Variants in SAMD5 observed in about 807,000 individuals in gnomAD.
SAMD5 encodes sterile alpha motif domain-containing protein 5.
SAMD5 carries 13 observed loss-of-function variants against 11.3 expected under a neutral mutation model. The ratio of observed to expected loss-of-function variants is 1.15; its 90% CI spans 0.75 to 1.83. The LOEUF (loss-of-function observed/expected upper bound fraction) is 1.83. Among genes scored for constraint, SAMD5 ranks in the 40% most tolerant of loss-of-function variants. The pLI, the probability that SAMD5 is intolerant of heterozygous loss-of-function variation, is 0.00. For missense variants in SAMD5, 255 were observed against 239.1 expected, an observed-to-expected ratio of 1.07 and a Z score of -0.44; for synonymous variants, 129 against 111.3, an observed-to-expected ratio of 1.16 and a Z score of -1.00.
the SAMD5 span, among the ~76,000 whole-genome samples, chr6:147,897,082 A>C: frequency 0.062 from 9,486 of 152,292 alleles, 369 homozygotes; most frequent in African/African-American, 0.098. Flanking sequence ...TTCTAAAATG[A>C]AAGTATGATG....
chr6:147,624,476 C>G lies in SAMD5; in HGVS notation c.163-112841C>G, dbSNP rs528198689. ...TTTAGCTTCCACTTATGAGTGAGAA[C>G]ATGTGATGTTTGGTTTTCCATTCCT... On this transcript the variant is annotated intron_variant, in intron 1 of 1. Transcript: ENST00000566741. Among the ~76,000 whole-genome samples the G allele has an allele frequency of 6.0e-4, 91 of 152,330 alleles. 1 individual carries two copies. Among genetic ancestry groups the G allele is most frequent in the Non-Finnish European group, 1.3e-4 (9 of 68,026 alleles).
chr6:147,743,843 C>T, the SAMD5 span, among the ~76,000 whole-genome samples: 1 of 152,188 alleles, frequency 6.6e-6, no homozygotes, highest in Non-Finnish European at 1.5e-5. Context: ...TGGAGAAAAA[C>T]TGCCCAAAGA....
chr6:147,785,534 C>T, the SAMD5 span, among the ~76,000 whole-genome samples: 2 of 152,198 alleles, frequency 1.3e-5, no homozygotes, highest in East Asian at 1.9e-4. Context: ...CTGACATTCT[C>T]CAGGCATGAA....
intron 1 of SAMD5, among the ~76,000 whole-genome samples, chr6:147,727,971 C>T (rs908872469): frequency 3.3e-5 from 5 of 152,162 alleles, no homozygotes; most frequent in African/African-American, 4.8e-5. Context: ...ACAGACTGCA[C>T]CAGGGGTAAT....
chr6:147,509,305 C>T lies in SAMD5; in HGVS notation c.377C>T (p.Pro126Leu), dbSNP rs754498196. ...CGCAGCAGGGAGCTGGTGAGCTACC[C>T]CAAACTGAAGCTGAAGATCATGATC... ...APRSRELVSY[P>L]KLKLKIMIRD... is the part of the protein sequence containing the mutation. Residue 126 changes from proline (P) to leucine (L), a missense_variant, in exon 1 of 2, where the codon CCC (proline) becomes CTC (leucine). Physicochemically the swap from Pro to Leu is moderately conservative, Grantham distance 98 (BLOSUM62 -3). Coordinates refer to ENST00000367474, the MANE Select transcript of SAMD5 (RefSeq NM_001030060.3). 1.3e-6 allele frequency: 2 copies of T among 1,579,188 alleles called. No homozygotes were observed. Among genetic ancestry groups the T allele is most frequent in the African/African-American group, 1.4e-5 (1 of 72,356 alleles).
the SAMD5 span, among the ~76,000 whole-genome samples, chr6:147,818,192 C>G: frequency 1.3e-5 from 2 of 152,134 alleles, no homozygotes; most frequent in African/African-American, 4.8e-5. Context: ...AACTTGAGTT[C>G]TAGGGACTTC....
At chr6:147,737,100 AT>A (rs1791813705) in intron 1 of SAMD5, among the ~76,000 whole-genome samples, 1 of 152,132 alleles carries the variant, frequency 6.6e-6, no homozygotes, top group African/African-American at 2.4e-5. Context: ...TATTATGTAT[AT>A]TATATACATT....
At chr6:147,668,054 A>C (rs975309846) in intron 1 of SAMD5, among the ~76,000 whole-genome samples, 1 of 152,202 alleles carries the variant, frequency 6.6e-6, no homozygotes, top group Non-Finnish European at 1.5e-5. Context: ...ATGCGATACA[A>C]GAATTTCTGC....
intron 1 of SAMD5, among the ~76,000 whole-genome samples, chr6:147,651,277 G>A (rs1317033902): frequency 6.6e-6 from 1 of 152,204 alleles, no homozygotes; most frequent in Non-Finnish European, 1.5e-5. Flanking sequence ...GGAACAGGAA[G>A]CCTTTGGTTC....
chr6:147,555,151 G>A (rs138539519), intron 1 of SAMD5, among the ~76,000 whole-genome samples: 90 of 152,284 alleles, frequency 5.9e-4, no homozygotes, highest in Middle Eastern at 3.4e-3. Context: ...CCACCTTTGT[G>A]TACATGATTT....
At chr6:147,850,798 G>A in the SAMD5 span, among the ~76,000 whole-genome samples, 1 of 151,892 alleles carries the variant, frequency 6.6e-6, no homozygotes, top group Non-Finnish European at 1.5e-5. Context: ...TCCTGTTTGT[G>A]CTATGCCCAT....
chr6:147,568,074 G>A lies in SAMD5; in HGVS notation c.*3618G>A. 1.0e-6 allele frequency: 1 copy of A among 985,286 alleles called. No homozygotes were observed. The highest frequency in any genetic ancestry group is 1.2e-6 in the Non-Finnish European group (1 of 829,832). 61.0% of individuals were successfully genotyped at this position (985,286 alleles called of 1,614,324 possible). On this transcript the variant is annotated 3_prime_UTR_variant, in exon 2 of 2. Coordinates refer to ENST00000367474, the MANE Select transcript of SAMD5 (RefSeq NM_001030060.3). ...AGATTGATGAATTTGAGGTACAAAT[G>A]AGTGAGTGACATATGTATATTTTCC...
chr6:147,939,401 C>G, the SAMD5 span, among the ~76,000 whole-genome samples: 2 of 152,092 alleles, frequency 1.3e-5, no homozygotes, highest in African/African-American at 4.8e-5. Flanking sequence ...AAACTTCCAA[C>G]CCTTTAATCA....
intron 1 of SAMD5, among the ~76,000 whole-genome samples, chr6:147,701,707 T>C (rs1282968792): frequency 6.6e-6 from 1 of 151,964 alleles, no homozygotes; most frequent in African/African-American, 2.4e-5. Flanking sequence ...AGAGGGTTCA[T>C]TTTATTTTGA....
chr6:147,629,332 T>C (rs1437488451), intron 1 of SAMD5, among the ~76,000 whole-genome samples: 1 of 151,530 alleles, frequency 6.6e-6, no homozygotes, highest in Non-Finnish European at 1.5e-5. Flanking sequence ...ATAAAAAAAA[T>C]CTGAATATGA....
chr6:147,932,273 G>C, the SAMD5 span, among the ~76,000 whole-genome samples: 1 of 152,058 alleles, frequency 6.6e-6, no homozygotes, highest in Non-Finnish European at 1.5e-5. Context: ...TCAGAGAGCT[G>C]GGTCCTAGGG....
chr6:147,842,149 CAG>C, the SAMD5 span, among the ~76,000 whole-genome samples: 1 of 151,976 alleles, frequency 6.6e-6, no homozygotes, highest in African/African-American at 2.4e-5. Flanking sequence ...GTTAAAAAAA[CAG>C]GGAGAAAAAA....
the SAMD5 span, among the ~76,000 whole-genome samples, chr6:147,859,003 G>C: frequency 2.6e-5 from 4 of 152,150 alleles, no homozygotes; most frequent in African/African-American, 4.8e-5. Context: ...AACAAAAGCA[G>C]GGAAGATTGA....
chr6:147,612,134 G>A (rs1434219322), intron 1 of SAMD5, among the ~76,000 whole-genome samples: 3 of 152,146 alleles, frequency 2.0e-5, no homozygotes, highest in Admixed American at 6.5e-5. Context: ...CAGTGAATAG[G>A]TGGATTTATC....
Sources: gnomAD v4.1 joint callset for allele counts (sites outside exome capture counted in the v4.1 genomes callset) on GRCh38, gnomAD v4.1.1 for gene constraint, MANE v1.5 for transcripts, NCBI Gene and HGNC (gene_info 2026-07-23, HGNC 2026-07-21) for gene names.